UTRN: variants seen among roughly 807,000 people sequenced by gnomAD.
UTRN encodes utrophin.
Under a neutral mutation model 463.9 loss-of-function variants are expected in UTRN, and 283 were observed. That is an observed-to-expected ratio of 0.61 (90% CI 0.55 to 0.67). The LOEUF (loss-of-function observed/expected upper bound fraction) is 0.67. UTRN is among the 30% of genes least tolerant of loss of function. UTRN has a pLI of 0.00. For missense variants in UTRN, 3,922 were observed against 4,084.3 expected, an observed-to-expected ratio of 0.96 and a Z score of 1.08; for synonymous variants, 1,442 against 1,431.5, an observed-to-expected ratio of 1.01 and a Z score of -0.17.
intron 9 of UTRN, among the ~76,000 whole-genome samples, chr6:144,432,582 A>T (rs1785971717): frequency 6.6e-6 from 1 of 152,208 alleles, no homozygotes; most frequent in African/African-American, 2.4e-5. Context: ...GGGGGAAAAC[A>T]GGAAAGTAAA....
chr6:144,532,188 G>A (rs1585148872), intron 42 of UTRN, among the ~76,000 whole-genome samples: 1 of 152,050 alleles, frequency 6.6e-6, no homozygotes, highest in East Asian at 1.9e-4. Flanking sequence ...CTTATTTTTG[G>A]AGTTACAGAT....
At chr6:144,373,155 TTCTC>T (rs923271077) in intron 2 of UTRN, among the ~76,000 whole-genome samples, 12 of 152,284 alleles carry the variant, frequency 7.9e-5, no homozygotes, top group African/African-American at 2.2e-4. Context: ...ACTCAGTAAT[TTCTC>T]TCTAAGTTTT....
intron 2 of UTRN, among the ~76,000 whole-genome samples, chr6:144,401,239 T>A (rs1442993581): frequency 1.3e-5 from 2 of 152,244 alleles, no homozygotes; most frequent in South Asian, 4.1e-4. Context: ...ACAAGATTTA[T>A]GAAAATAAAT....
chr6:144,467,480 CT>C (rs1384787542), intron 23 of UTRN, among the ~76,000 whole-genome samples: 1 of 152,218 alleles, frequency 6.6e-6, no homozygotes, highest in Non-Finnish European at 1.5e-5. Context: ...TCCGGCCTCT[CT>C]AGTGAGAGTG....
chr6:144,388,140 C>T (rs548119391), intron 2 of UTRN, among the ~76,000 whole-genome samples: 2 of 152,314 alleles, frequency 1.3e-5, no homozygotes, highest in South Asian at 2.1e-4. Context: ...TTCTAACGTA[C>T]AGATACAGTG....
chr6:144,589,095 A>T (rs996894065), intron 51 of UTRN, among the ~76,000 whole-genome samples: 3 of 152,266 alleles, frequency 2.0e-5, no homozygotes, highest in Non-Finnish European at 2.9e-5. Flanking sequence ...TAATAGGCTT[A>T]TGTGAAAGTA....
intron 51 of UTRN, among the ~76,000 whole-genome samples, chr6:144,635,520 T>TC (rs1367707223): frequency 1.3e-5 from 1 of 79,948 alleles, no homozygotes; most frequent in Non-Finnish European, 2.4e-5. Flanking sequence ...TTTTCTTTTT[T>TC]TTTTTTTTTC....
chr6:144,816,398 GAA>G (rs1314621950), intron 65 of UTRN, among the ~76,000 whole-genome samples: 1 of 152,118 alleles, frequency 6.6e-6, no homozygotes, highest in African/African-American at 2.4e-5. Context: ...GAGAGGGGAA[GAA>G]AGTTTTGCCT....
intron 2 of UTRN, among the ~76,000 whole-genome samples, chr6:144,393,504 G>T (rs1782122284): frequency 6.6e-6 from 1 of 152,144 alleles, no homozygotes; most frequent in Admixed American, 6.5e-5. Context: ...AAGAAACGAT[G>T]GAAAAAGGCA....
At chr6:144,790,513 A>G (rs1269243052) in intron 62 of UTRN, among the ~76,000 whole-genome samples, 1 of 152,214 alleles carries the variant, frequency 6.6e-6, no homozygotes, top group African/African-American at 2.4e-5. Flanking sequence ...ATAGTTTGAC[A>G]AGAATGTCAG....
intron 2 of UTRN, among the ~76,000 whole-genome samples, chr6:144,354,545 T>G (rs930913986): frequency 7.2e-5 from 11 of 152,228 alleles, no homozygotes; most frequent in Non-Finnish European, 1.5e-4. Context: ...CAGTTTCCAG[T>G]GCTCTAATTG....
chr6:144,538,696 G>T (rs9496997), intron 44 of UTRN, among the ~76,000 whole-genome samples: 3,745 of 151,380 alleles, frequency 0.025, 159 homozygotes, highest in African/African-American at 0.084. Flanking sequence ...AAGAAATTAT[G>T]AGTGTGTATT....
At chr6:144,635,291 C>T (rs1777001299) in intron 51 of UTRN, among the ~76,000 whole-genome samples, 1 of 151,382 alleles carries the variant, frequency 6.6e-6, no homozygotes, top group South Asian at 2.1e-4. Context: ...GCTGGGACCA[C>T]AGGCACACAC....
intron 51 of UTRN, among the ~76,000 whole-genome samples, chr6:144,609,534 A>G (rs934715255): frequency 1.3e-5 from 2 of 152,234 alleles, no homozygotes; most frequent in East Asian, 1.9e-4. Context: ...CAGATTATCC[A>G]TACAGAAAAT....
chr6:144,537,634 A>G lies in UTRN; in HGVS notation c.6286A>G (p.Ile2096Val), dbSNP rs1189781063. The change falls in exon 44 of 75, where the codon ATT becomes GTT. Residue 2096 changes from isoleucine (I) to valine (V), a missense_variant. Transcript: ENST00000367545. ...GAAGTACAGGCATCAGCTAGATGAG[A>G]TTATCTGTTGGTTAACAAAGGCTGA... ...VMKYRHQLDE[I>V]ICWLTKAEHA... 7 of 1,612,772 alleles carry G rather than the reference A, an allele frequency of 4.3e-6. No individual in the cohort carries two copies. The highest frequency in any genetic ancestry group is 1.7e-5 in the Admixed American group (1 of 59,784).
intron 52 of UTRN, among the ~76,000 whole-genome samples, chr6:144,698,577 G>C (rs187876500): frequency 2.6e-5 from 4 of 152,214 alleles, no homozygotes; most frequent in Non-Finnish European, 4.4e-5. Flanking sequence ...TTCACAGTCT[G>C]CCCTCTGGGA....
At chr6:144,565,292 T>C (rs931625416) in intron 50 of UTRN, among the ~76,000 whole-genome samples, 1 of 152,118 alleles carries the variant, frequency 6.6e-6, no homozygotes, top group South Asian at 2.1e-4. Context: ...TTTTGTTAAG[T>C]TTGAGATGCC....
intron 51 of UTRN, among the ~76,000 whole-genome samples, chr6:144,655,638 T>C (rs1393964557): frequency 2.0e-5 from 3 of 152,204 alleles, no homozygotes; most frequent in Non-Finnish European, 4.4e-5. Flanking sequence ...CTTCTTTTCT[T>C]TTCTTTTTGT....
intron 69 of UTRN, 30 bp downstream of exon 69, chr6:144,828,885 G>T: frequency 6.2e-7 from 1 of 1,607,010 alleles, no homozygotes; most frequent in Non-Finnish European, 8.5e-7. Context: ...AGTGCTGCCT[G>T]GGAAGGCTAG....
Sources: gnomAD v4.1 joint callset for allele counts (sites outside exome capture counted in the v4.1 genomes callset) on GRCh38, gnomAD v4.1.1 for gene constraint, MANE v1.5 for transcripts, NCBI Gene and HGNC (gene_info 2026-07-23, HGNC 2026-07-21) for gene names.